Variants in ADGRF1 observed in about 807,000 individuals in gnomAD.
The protein encoded by ADGRF1 is adhesion G protein-coupled receptor F1, also known as G protein-coupled receptor 110.
In ADGRF1, 85 loss-of-function variants were observed where a neutral mutation model predicts 87.2. The ratio of observed to expected loss-of-function variants is 0.97; its 90% confidence interval spans 0.82 to 1.17. ADGRF1 has a LOEUF of 1.17. Among genes scored for constraint, ADGRF1 ranks in the 50% most tolerant of loss-of-function variants. ADGRF1 has a pLI of 0.00. For synonymous variants in ADGRF1, 430 were observed against 408.8 expected, an observed-to-expected ratio of 1.05 and a Z score of -0.63; for missense variants, 1,169 against 1,077.2, an observed-to-expected ratio of 1.09 and a Z score of -1.19.
chr6:47,015,538 G>A (rs1002022521), intron 8 of ADGRF1, among the ~76,000 whole-genome samples: 1 of 151,820 alleles, frequency 6.6e-6, no homozygotes, highest in African/African-American at 2.4e-5. Context: ...AGCCTCCCTA[G>A]TACCTGGGAG....
At chr6:47,013,359 C>A in intron 9 of ADGRF1, 1 of 985,364 alleles carries the variant, frequency 1.0e-6, no homozygotes, top group Non-Finnish European at 1.2e-6. Flanking sequence ...TAATCCCCTT[C>A]CCCAGTTTAC....
At chr6:47,025,067 C>CA (rs969381727) in intron 4 of ADGRF1, among the ~76,000 whole-genome samples, 4 of 152,200 alleles carry the variant, frequency 2.6e-5, no homozygotes, top group African/African-American at 9.7e-5. Context: ...TGGGGAAAGT[C>CA]ATGATGAAAA....
intron 7 of ADGRF1, chr6:47,019,017 T>A (rs1286288043): frequency 6.2e-6 from 1 of 160,486 alleles, no homozygotes; most frequent in East Asian, 1.8e-4. Context: ...AAGGCTGCAG[T>A]GAACTGAGAT....
intron 6 of ADGRF1, among the ~76,000 whole-genome samples, chr6:47,021,148 G>T (rs1238343323): frequency 6.6e-6 from 1 of 152,040 alleles, no homozygotes; most frequent in Non-Finnish European, 1.5e-5. Context: ...ATTTTTACAG[G>T]TACTTAGACC....
chr6:47,028,879 C>T, intron 2 of ADGRF1, 114 bp downstream of exon 2: 3 of 802,850 alleles, frequency 3.7e-6, no homozygotes, highest in Non-Finnish European at 6.5e-6. Context: ...CTTCTGATCT[C>T]AAGTACATTA....
intron 13 of ADGRF1, among the ~76,000 whole-genome samples, chr6:47,005,370 T>G (rs1779492345): frequency 6.6e-6 from 1 of 152,180 alleles, no homozygotes. Context: ...ATAATACTTT[T>G]ATGTATTAGA....
intron 2 of ADGRF1, among the ~76,000 whole-genome samples, chr6:47,028,684 A>G (rs1475923659): frequency 1.3e-5 from 2 of 152,200 alleles, no homozygotes; most frequent in Non-Finnish European, 2.9e-5. Flanking sequence ...ATGTCCATCC[A>G]TGTGATTTTT....
At chr6:47,020,631 T>C (rs1561873948) in intron 7 of ADGRF1, 100 bp downstream of exon 7, 2 of 1,582,778 alleles carry the variant, frequency 1.3e-6, no homozygotes, top group Non-Finnish European at 1.7e-6. Flanking sequence ...ATGACTTCTG[T>C]CCTGTTTTCT....
chr6:47,011,940 G>A lies in ADGRF1; in HGVS notation c.1116+67C>T, dbSNP rs185239278. On this transcript the variant is annotated intron_variant, in intron 10 of 14. Coordinates refer to ENST00000371253, the MANE Select transcript of ADGRF1 (RefSeq NM_153840.4). ...TTTTCCAATAGTTCCCCATATTTAA[G>A]GCTTTGTCATTCCTCCTACAGGATC... The A allele has an allele frequency of 6.0e-4, 850 of 1,427,764 alleles. 3 individuals are homozygous for A. In the African/African-American group the frequency reaches 0.011, roughly 18 times the overall value. 88.4% of individuals were successfully genotyped at this position (1,427,764 alleles called of 1,614,324 possible).
chr6:47,040,811 G>T (rs1311871872), intron 1 of ADGRF1, among the ~76,000 whole-genome samples: 1 of 152,180 alleles, frequency 6.6e-6, no homozygotes, highest in Non-Finnish European at 1.5e-5. Context: ...AGAGATGTTT[G>T]CATTCCTTTA....
At chr6:47,014,323 AC>A in intron 9 of ADGRF1, 1 of 1,016,880 alleles carries the variant, frequency 9.8e-7, no homozygotes, top group South Asian at 4.3e-5. Context: ...CTGGCTTATG[AC>A]TCACACCTTC....
At chr6:47,038,414 C>A (rs1008752078) in intron 1 of ADGRF1, among the ~76,000 whole-genome samples, 1 of 152,068 alleles carries the variant, frequency 6.6e-6, no homozygotes, top group African/African-American at 2.4e-5. Context: ...TTATCCAGAC[C>A]ACCTTGATAA....
chr6:47,004,459 T>C (rs1014239348), intron 13 of ADGRF1, among the ~76,000 whole-genome samples: 4 of 152,190 alleles, frequency 2.6e-5, no homozygotes, highest in Admixed American at 6.5e-5. Context: ...GTGTCAGTGC[T>C]TGATGTTAGA....
intron 1 of ADGRF1, among the ~76,000 whole-genome samples, chr6:47,038,140 C>T (rs1383562950): frequency 6.6e-6 from 1 of 152,186 alleles, no homozygotes; most frequent in Non-Finnish European, 1.5e-5. Flanking sequence ...GGATTACAGG[C>T]GTGAGGCACC....
At chr6:47,039,055 AC>A (rs1780667438) in intron 1 of ADGRF1, among the ~76,000 whole-genome samples, 1 of 152,238 alleles carries the variant, frequency 6.6e-6, no homozygotes, top group African/African-American at 2.4e-5. Flanking sequence ...TCCCAACTTC[AC>A]AAATGTATAA....
chr6:47,007,339 T>C, intron 11 of ADGRF1, 45 bp from the exon 12 acceptor site: 1 of 1,236,242 alleles, frequency 8.1e-7, no homozygotes, highest in East Asian at 2.3e-5. Context: ...ATTTTTCTTT[T>C]CCAAAAAAGA....
At position 47,000,251 on chromosome 6, in the gene ADGRF1, T is replaced by G. The variant is rs1261194536; in HGVS notation, c.2704A>C (p.Met902Leu). Residue 902 changes from methionine (M) to leucine (L), a missense_variant, in exon 15 of 15, where the codon ATG becomes CTG. Coordinates refer to ENST00000371253, the MANE Select transcript of ADGRF1 (RefSeq NM_153840.4). Reference sequence around the variant, plus strand: ...TCATTTGAGACAAACTGAGTTAGCATGATGTTGTCGGAGGAATCTCCAGTA... The same window carrying G: ...TCATTTGAGACAAACTGAGTTAGCAGGATGTTGTCGGAGGAATCTCCAGTA... ...SHTGDSSDNIMLTQFVSNE is the reference protein window; with the variant it reads ...SHTGDSSDNILLTQFVSNE The G allele has an allele frequency of 9.9e-6, 16 of 1,608,612 alleles. No individual in the cohort carries two copies. The highest frequency in any genetic ancestry group is 1.7e-5 in the Admixed American group (1 of 59,938).
In ADGRF1 at chr6:47,009,711, G is replaced by T. The variant is rs778881329; in HGVS notation, c.1724C>A (p.Pro575His). ...HLTSFSILMS[P>H]FVPSTIFPVV... ...GGGGAAGATTGTAGAGGGGACAAAA[G>T]GTGACATCAATATGGAGAAGGAGGT... Residue 575 changes from proline to histidine, a missense_variant, in exon 11 of 15, where the codon CCT (proline) becomes CAT (histidine). Pro to His is a moderately conservative substitution (Grantham distance 77). Coordinates refer to ENST00000371253, the MANE Select transcript of ADGRF1 (RefSeq NM_153840.4). The T allele has an allele frequency of 2.5e-6, 4 of 1,614,072 alleles. No homozygotes were observed. In the African/African-American group the frequency reaches 4.0e-5, roughly 16 times the overall value.
chr6:47,023,764 T>C (rs1165722759), intron 5 of ADGRF1, among the ~76,000 whole-genome samples: 7 of 152,232 alleles, frequency 4.6e-5, no homozygotes, highest in Admixed American at 4.6e-4. Flanking sequence ...TTTGGAATTT[T>C]AGCAACTCTT....
Sources: gnomAD v4.1 joint callset for allele counts (sites outside exome capture counted in the v4.1 genomes callset) on GRCh38, gnomAD v4.1.1 for gene constraint, MANE v1.5 for transcripts, NCBI Gene and HGNC (gene_info 2026-07-23, HGNC 2026-07-21) for gene names.